The following MTF2 variants were observed in gnomAD, a reference collection of about 807,000 sequenced individuals.
The protein encoded by MTF2 is metal response element binding transcription factor 2, also known as metal-response element-binding transcription factor 2.
MTF2 carries 11 observed loss-of-function variants against 79.5 expected under a neutral mutation model. The ratio of observed to expected loss-of-function variants is 0.14; its 90% CI spans 0.09 to 0.23. The LOEUF (loss-of-function observed/expected upper bound fraction) is 0.23. Ranked by LOEUF, MTF2 falls within the 10% of genes least tolerant of loss-of-function variation. The probability of loss-of-function intolerance (pLI) is 1.00; values close to 1 mark genes in which losing one functional copy is unlikely to be tolerated. For synonymous variants in MTF2, 208 were observed against 232.8 expected, an observed-to-expected ratio of 0.89 and a Z score of 0.97; for missense variants, 486 against 711.2, an observed-to-expected ratio of 0.68 and a Z score of 3.60.
At chr1:93,079,883 T>C in intron 1 of MTF2, among the ~76,000 whole-genome samples, 1 of 75,136 alleles carries the variant, frequency 1.3e-5, no homozygotes, top group Admixed American at 1.4e-4. Flanking sequence ...GACGAGGGGG[T>C]GGGGAGCCGA....
intron 3 of MTF2, among the ~76,000 whole-genome samples, chr1:93,113,432 A>G (rs1386218868): frequency 1.3e-5 from 2 of 152,138 alleles, no homozygotes. Context: ...ATGAGAGACC[A>G]GAACAAACAA....
At chr1:93,111,853 G>C (rs542059610) in intron 3 of MTF2, among the ~76,000 whole-genome samples, 1 of 152,210 alleles carries the variant, frequency 6.6e-6, no homozygotes, top group Admixed American at 6.5e-5. Context: ...AGGTCTCTCT[G>C]TAATAGCAGT....
intron 1 of MTF2, among the ~76,000 whole-genome samples, chr1:93,096,484 A>G (rs1318238441): frequency 6.6e-6 from 1 of 151,014 alleles, no homozygotes; most frequent in Non-Finnish European, 1.5e-5. Flanking sequence ...TAGTTTTTTC[A>G]GAGGACCAGC....
At chr1:93,084,317 C>G (rs1405115313) in intron 1 of MTF2, among the ~76,000 whole-genome samples, 1 of 152,106 alleles carries the variant, frequency 6.6e-6, no homozygotes, top group Non-Finnish European at 1.5e-5. Flanking sequence ...AAAGTTTGTT[C>G]TTGGATCCCA....
At chr1:93,081,578 G>A (rs1654609086) in intron 1 of MTF2, among the ~76,000 whole-genome samples, 2 of 152,030 alleles carry the variant, frequency 1.3e-5, no homozygotes, top group Admixed American at 1.3e-4. Flanking sequence ...CTGTTCTTCA[G>A]GAAAATTTGT....
intron 13 of MTF2, 38 bp from the exon 14 acceptor site, chr1:93,134,048 TATATA>T: frequency 1.3e-6 from 2 of 1,546,260 alleles, no homozygotes; most frequent in Non-Finnish European, 8.8e-7. Flanking sequence ...ATTTGTTTGT[TATATA>T]ATATAGTCGT....
At chr1:93,124,947 T>C (rs1384883763) in intron 9 of MTF2, among the ~76,000 whole-genome samples, 1 of 151,998 alleles carries the variant, frequency 6.6e-6, no homozygotes, top group Non-Finnish European at 1.5e-5. Flanking sequence ...GTTGTACTTT[T>C]AGTTTGCAAA....
In MTF2 at chr1:93,093,097, G is replaced by A. The variant is rs532880966; in HGVS notation, c.5+13566G>A. Among the ~76,000 whole-genome samples the A allele has an allele frequency of 1.5e-4, 23 of 151,826 alleles. No individual in the cohort carries two copies. The South Asian group carries it at 4.6e-3, about 30-fold the overall frequency. On this transcript the variant is annotated intron_variant, in intron 1 of 14. Coordinates refer to ENST00000370298, the MANE Select transcript of MTF2 (RefSeq NM_007358.4). Reference sequence around the variant, plus strand: ...CTTGGGAGGCTGAGGCAGGAGAATCGCTTGAACCCGGGAGGCAGAGGTTGC... The same window carrying A: ...CTTGGGAGGCTGAGGCAGGAGAATCACTTGAACCCGGGAGGCAGAGGTTGC...
chr1:93,114,658 C>T, intron 3 of MTF2, 30 bp from the exon 4 acceptor site: 1 of 1,543,156 alleles, frequency 6.5e-7, no homozygotes, highest in Non-Finnish European at 8.8e-7. Flanking sequence ...TTTTATGACT[C>T]TCTTTTTTAA....
chr1:93,110,054 T>G (rs1013619377), intron 1 of MTF2, among the ~76,000 whole-genome samples, 176 bp from the exon 2 acceptor site: 1 of 152,238 alleles, frequency 6.6e-6, no homozygotes, highest in Non-Finnish European at 1.5e-5. Context: ...AGAATTGTTA[T>G]CATTTTGTTT....
chr1:93,103,259 AATTCTCTT>A (rs1375932015), intron 1 of MTF2, among the ~76,000 whole-genome samples: 1 of 151,284 alleles, frequency 6.6e-6, no homozygotes, highest in East Asian at 1.9e-4. Context: ...TATATATATT[AATTCTCTT>A]TATTATTTAT....
At chr1:93,108,329 C>G (rs1571233125) in intron 1 of MTF2, among the ~76,000 whole-genome samples, 1 of 152,030 alleles carries the variant, frequency 6.6e-6, no homozygotes, top group Non-Finnish European at 1.5e-5. Context: ...GGTTTACTTA[C>G]TTTCAATCGT....
Position 93,110,205 on chromosome 1 carries a change from G to T in MTF2, c.6-25G>T, listed in dbSNP as rs760640594. On this transcript the variant is annotated intron_variant, in intron 1 of 14. Transcript: ENST00000370298. Reference sequence around the variant, plus strand: ...AATAAGCTCTACAAGTAAGTCTTATGTATGGTCTTTTATTCTCTAAACAGA... The same window carrying T: ...AATAAGCTCTACAAGTAAGTCTTATTTATGGTCTTTTATTCTCTAAACAGA... 2.5e-6 allele frequency: 4 copies of T among 1,598,552 alleles called. No homozygotes were observed. In the South Asian group the frequency reaches 3.3e-5, roughly 13 times the overall value.
rs942398134 is a variant in MTF2, at chr1:93,079,417, C to A, written c.-110C>A. Reference sequence around the variant, plus strand: ...TTGTGCGTGCATATGTGCCGGGTACCCGGTGGGGCGGGTGCCCAGTAAGTG... The same window carrying A: ...TTGTGCGTGCATATGTGCCGGGTACACGGTGGGGCGGGTGCCCAGTAAGTG... On this transcript the variant is annotated 5_prime_UTR_variant, in exon 1 of 15. Transcript: ENST00000370298. The A allele has an allele frequency of 4.3e-6, 6 of 1,403,460 alleles. No individual in the cohort carries two copies. The African/African-American group carries it at 8.5e-5, about 20-fold the overall frequency. The allele number at this position is 1,403,460 out of a possible 1,614,324, so 86.9% of individuals were successfully genotyped here.
chr1:93,126,695 A>G (rs920328509), intron 9 of MTF2, among the ~76,000 whole-genome samples: 4 of 152,094 alleles, frequency 2.6e-5, no homozygotes, highest in Non-Finnish European at 5.9e-5. Context: ...AGAGCTGGCT[A>G]AAGTCTATAA....
intron 9 of MTF2, chr1:93,121,167 CCT>C (rs1455875397): frequency 4.1e-6 from 4 of 984,442 alleles, no homozygotes; most frequent in African/African-American, 1.7e-5. Flanking sequence ...AAAATTATCC[CCT>C]CTCATTCTGA....
intron 1 of MTF2, among the ~76,000 whole-genome samples, chr1:93,099,930 A>G (rs947437571): frequency 6.6e-6 from 1 of 152,250 alleles, no homozygotes; most frequent in Non-Finnish European, 1.5e-5. Flanking sequence ...TTATCTTTGC[A>G]TGACCAATAT....
At chr1:93,122,081 C>T (rs1220738954) in intron 9 of MTF2, among the ~76,000 whole-genome samples, 1 of 152,128 alleles carries the variant, frequency 6.6e-6, no homozygotes, top group African/African-American at 2.4e-5. Context: ...AGATTACAGG[C>T]ATGAGCCACT....
At chr1:93,119,427 GAAAGA>G in intron 8 of MTF2, 26 bp downstream of exon 8, 1 of 1,526,280 alleles carries the variant, frequency 6.6e-7, no homozygotes, top group Non-Finnish European at 8.8e-7. Flanking sequence ...TCTGTTAAAA[GAAAGA>G]AAAGCCATTT....
Sources: gnomAD v4.1 joint callset for allele counts (sites outside exome capture counted in the v4.1 genomes callset) on GRCh38, gnomAD v4.1.1 for gene constraint, MANE v1.5 for transcripts, NCBI Gene and HGNC (gene_info 2026-07-23, HGNC 2026-07-21) for gene names.